FANCB: variants seen among roughly 807,000 people sequenced by gnomAD.
FANCB encodes the protein FA complementation group B.
Under a neutral mutation model 38.9 loss-of-function variants are expected in FANCB, and 5 were observed. The observed-to-expected ratio is 0.13, with a 90% CI of 0.07 to 0.27. The LOEUF (loss-of-function observed/expected upper bound fraction) is 0.27. Among genes scored for constraint, FANCB ranks in the 10% least tolerant of loss-of-function variants. The pLI is 1.00. For synonymous variants in FANCB, 236 were observed against 215.4 expected (o/e 1.10, Z -0.84); for missense variants, 573 against 602.7 (o/e 0.95, Z 0.52).
At chrX:14,696,336 C>T in the FANCB span, among the ~76,000 whole-genome samples, 2 of 110,109 alleles carry the variant, frequency 1.8e-5, no homozygotes, top group Non-Finnish European at 3.8e-5. Flanking sequence ...GGAAGAGACA[C>T]TGTATTCAAG....
chrX:14,729,274 G>A, the FANCB span, among the ~76,000 whole-genome samples: 1 of 111,625 alleles, frequency 9.0e-6, no homozygotes, highest in Non-Finnish European at 1.9e-5. Flanking sequence ...GTGGAAGGCA[G>A]TAATCTAGTT....
At chrX:14,782,652 G>C in the FANCB span, among the ~76,000 whole-genome samples, 1 of 111,938 alleles carries the variant, frequency 8.9e-6, no homozygotes, top group Non-Finnish European at 1.9e-5. Context: ...ATTAAGGCTA[G>C]AGCCAGCACC....
the FANCB span, among the ~76,000 whole-genome samples, chrX:14,747,475 A>C: frequency 8.9e-6 from 1 of 112,695 alleles, no homozygotes; most frequent in African/African-American, 3.2e-5. Flanking sequence ...CAGTGGAATG[A>C]GGGTTGCATT....
the FANCB span, among the ~76,000 whole-genome samples, chrX:14,809,346 C>T: frequency 5.3e-5 from 6 of 112,329 alleles, no homozygotes; most frequent in Non-Finnish European, 9.4e-5. Flanking sequence ...GTGGGTGCAG[C>T]GCACTGTGTG....
the FANCB span, chrX:14,690,648 A>C: frequency 2.4e-6 from 2 of 823,750 alleles, no homozygotes; most frequent in Non-Finnish European, 3.6e-6. Context: ...GCAGGCTTTC[A>C]TAGTCTTTCT....
At chrX:14,757,720 G>C in the FANCB span, among the ~76,000 whole-genome samples, 3 of 111,992 alleles carry the variant, frequency 2.7e-5, no homozygotes, top group Non-Finnish European at 5.6e-5. Context: ...TCTGTCTCAC[G>C]CGGATCCTTG....
chrX:14,797,693 G>A, the FANCB span, among the ~76,000 whole-genome samples: 6 of 101,757 alleles, frequency 5.9e-5, no homozygotes, highest in Admixed American at 1.1e-4. Context: ...AAAAAAAAAA[G>A]AGAGAGAGAG....
chrX:14,821,993 A>C, the FANCB span, among the ~76,000 whole-genome samples: 3 of 111,933 alleles, frequency 2.7e-5, no homozygotes, highest in African/African-American at 9.7e-5. Flanking sequence ...GAAGGGAAGA[A>C]GAGCACCTCA....
At chrX:14,807,641 T>A in the FANCB span, among the ~76,000 whole-genome samples, 11 of 111,681 alleles carry the variant, frequency 9.8e-5, no homozygotes, top group Admixed American at 3.8e-4. Context: ...CTTTTCCATA[T>A]CAACACACAC....
Position 14,865,178 on chromosome X carries a change from G to C in FANCB, c.333C>G (p.Ile111Met), listed in dbSNP as rs982726287. ...TTTCAAATTTATTAGTACTGTGAAG[G>C]ATTAGTAAAAAATATTCAAAAACAT... is the stretch of plus-strand genomic sequence containing the variant. ...KNNVFEYFLL[I>M]LHSTNKFEMR... The change falls in exon 3 of 10, where the codon ATC (isoleucine) becomes ATG (methionine). Residue 111 changes from isoleucine to methionine, a missense_variant. By Grantham distance (10) the Ile-to-Met change is conservative. Coordinates refer to ENST00000650831, the MANE Select transcript of FANCB (RefSeq NM_001018113.3). 1.2e-5 allele frequency: 14 copies of C among 1,167,552 alleles called. No individual in the cohort carries two copies. Among genetic ancestry groups the C allele is most frequent in the Non-Finnish European group, 1.6e-5 (14 of 873,171 alleles).
At chrX:14,693,620 C>T in the FANCB span, among the ~76,000 whole-genome samples, 15 of 112,023 alleles carry the variant, frequency 1.3e-4, no homozygotes, top group African/African-American at 4.9e-4. Context: ...TAACAAACTA[C>T]ACCCTCAAAT....
At chrX:14,821,359 G>GA in the FANCB span, among the ~76,000 whole-genome samples, 1 of 111,518 alleles carries the variant, frequency 9.0e-6, no homozygotes, top group Non-Finnish European at 1.9e-5. Flanking sequence ...TTAAGAGAGA[G>GA]AAAAATCATA....
At chrX:14,761,677 T>C in the FANCB span, among the ~76,000 whole-genome samples, 2 of 111,403 alleles carry the variant, frequency 1.8e-5, no homozygotes, top group African/African-American at 6.5e-5. Context: ...AGCAGTATGA[T>C]TGCGATATCT....
downstream of FANCB, chrX:14,835,029 G>A (rs754223848): frequency 3.8e-5 from 22 of 586,022 alleles, no homozygotes; most frequent in African/African-American, 1.1e-4. Context: ...CTGTAAGAGC[G>A]CTGGTGGTGT....
At chrX:14,841,983 A>T (rs1225568893), downstream of FANCB, among the ~76,000 whole-genome samples, 1 of 111,131 alleles carries the variant, frequency 9.0e-6, no homozygotes, top group Non-Finnish European at 1.9e-5. Context: ...TTTCCTAAGC[A>T]ACTCTACTAA....
intron 2 of FANCB, among the ~76,000 whole-genome samples, chrX:14,866,008 C>T (rs1235429391): frequency 9.0e-6 from 1 of 111,511 alleles, no homozygotes; most frequent in Non-Finnish European, 1.9e-5. Context: ...TGTCTTGCAA[C>T]TCACTCTCCC....
At chrX:14,860,407 A>G (rs1052138241) in intron 3 of FANCB, among the ~76,000 whole-genome samples, 3 of 112,027 alleles carry the variant, frequency 2.7e-5, no homozygotes, top group African/African-American at 9.7e-5. Context: ...ATAATGGACT[A>G]TGGGAAAAGA....
chrX:14,715,153 T>G, the FANCB span, among the ~76,000 whole-genome samples: 1 of 112,369 alleles, frequency 8.9e-6, no homozygotes, highest in African/African-American at 3.2e-5. Flanking sequence ...TCTTTTAAGA[T>G]TCTTAACAGG....
chrX:14,712,299 C>A, the FANCB span, among the ~76,000 whole-genome samples: 1 of 111,992 alleles, frequency 8.9e-6, no homozygotes, highest in Admixed American at 9.4e-5. Context: ...GCCAGTAAAA[C>A]ACCCTCTCCC....
Sources: gnomAD v4.1 joint callset for allele counts (sites outside exome capture counted in the v4.1 genomes callset) on GRCh38, gnomAD v4.1.1 for gene constraint, MANE v1.5 for transcripts, NCBI Gene and HGNC (gene_info 2026-07-23, HGNC 2026-07-21) for gene names.